Variants in PLCL1 observed in about 807,000 individuals in gnomAD.
PLCL1 encodes phospholipase C like 1 (inactive).
In PLCL1, 41 loss-of-function variants were observed where a neutral mutation model predicts 84.4. The observed-to-expected ratio is 0.49, with a 90% CI of 0.38 to 0.63. PLCL1 has a LOEUF of 0.63. Among genes scored for constraint, PLCL1 ranks in the 30% least tolerant of loss-of-function variants. PLCL1 has a pLI of 0.00. For synonymous variants in PLCL1, 490 were observed against 488.3 expected (o/e 1.00, Z -0.05); for missense variants, 1,206 against 1,367.8 (o/e 0.88, Z 1.87).
chr2:197,868,767 C>A (rs1478341220), intron 1 of PLCL1, among the ~76,000 whole-genome samples: 1 of 151,536 alleles, frequency 6.6e-6, no homozygotes, highest in East Asian at 1.9e-4. Flanking sequence ...CCACCCACCT[C>A]AGCCTCCCAA....
At chr2:197,954,106 T>C (rs1689442114) in intron 1 of PLCL1, among the ~76,000 whole-genome samples, 1 of 152,144 alleles carries the variant, frequency 6.6e-6, no homozygotes, top group African/African-American at 2.4e-5. Context: ...TACATGGATA[T>C]TTAGAACTGA....
intron 1 of PLCL1, among the ~76,000 whole-genome samples, chr2:197,922,759 G>A (rs1164476466): frequency 1.0e-4 from 8 of 79,018 alleles, no homozygotes; most frequent in African/African-American, 1.9e-4. Flanking sequence ...CGGACGGGGT[G>A]GCTGGCCGGG....
chr2:197,878,635 G>A (rs1687778293), intron 1 of PLCL1, among the ~76,000 whole-genome samples: 1 of 152,142 alleles, frequency 6.6e-6, no homozygotes, highest in South Asian at 2.1e-4. Context: ...AAAACTGTGT[G>A]TGTGTGCATG....
At chr2:198,075,812 A>T (rs140383330) in intron 1 of PLCL1, among the ~76,000 whole-genome samples, 3,199 of 152,338 alleles carry the variant, frequency 0.021, 61 homozygotes, top group Admixed American at 0.03. Flanking sequence ...AGCTACAAAC[A>T]TTCATACATT....
intron 1 of PLCL1, among the ~76,000 whole-genome samples, chr2:197,820,865 A>G (rs999718437): frequency 2.0e-5 from 3 of 152,156 alleles, no homozygotes; most frequent in African/African-American, 7.2e-5. Flanking sequence ...CAAGCTACAG[A>G]AACATTGCTC....
chr2:197,840,275 C>T (rs976834694), intron 1 of PLCL1, among the ~76,000 whole-genome samples: 1 of 151,920 alleles, frequency 6.6e-6, no homozygotes, highest in African/African-American at 2.4e-5. Flanking sequence ...ACCCAATTTA[C>T]TTTTCCCCTG....
intron 1 of PLCL1, among the ~76,000 whole-genome samples, chr2:197,971,398 G>C (rs1689860990): frequency 6.6e-6 from 1 of 152,168 alleles, no homozygotes; most frequent in Admixed American, 6.5e-5. Flanking sequence ...AAGGGTGGGG[G>C]AAACACAAAG....
intron 1 of PLCL1, among the ~76,000 whole-genome samples, chr2:197,981,389 A>G (rs1690101565): frequency 6.6e-6 from 1 of 152,208 alleles, no homozygotes; most frequent in Non-Finnish European, 1.5e-5. Context: ...ATAAAGATAT[A>G]CCTACTTTAT....
chr2:197,834,113 T>A (rs1413302560), intron 1 of PLCL1, among the ~76,000 whole-genome samples: 1 of 152,222 alleles, frequency 6.6e-6, no homozygotes, highest in Non-Finnish European at 1.5e-5. Flanking sequence ...GCTCGCCATA[T>A]GCAGAAAACT....
At chr2:198,058,676 A>G (rs1692121201) in intron 1 of PLCL1, among the ~76,000 whole-genome samples, 1 of 152,004 alleles carries the variant, frequency 6.6e-6, no homozygotes, top group Admixed American at 6.6e-5. Context: ...TGTACCAGAT[A>G]TCATAGCAAT....
At chr2:197,890,735 CGTATATATGTATACGTAT>C (rs1371229376) in intron 1 of PLCL1, among the ~76,000 whole-genome samples, 1 of 112,814 alleles carries the variant, frequency 8.9e-6, no homozygotes, top group Non-Finnish European at 1.8e-5. Context: ...TGCATATGTA[CGTATATATGTATACGTAT>C]GTATATATAC....
At chr2:197,998,878 G>A (rs572940104) in intron 1 of PLCL1, among the ~76,000 whole-genome samples, 2 of 152,202 alleles carry the variant, frequency 1.3e-5, no homozygotes, top group African/African-American at 4.8e-5. Context: ...GGGTGGGAAC[G>A]GAACCCACCC....
chr2:197,940,836 T>C (rs899508652), intron 1 of PLCL1, among the ~76,000 whole-genome samples: 3 of 152,352 alleles, frequency 2.0e-5, no homozygotes, highest in East Asian at 3.9e-4. Context: ...AATACTATGA[T>C]TTCTATTTCG....
At chr2:198,094,239 T>C (rs1489576141) in intron 3 of PLCL1, among the ~76,000 whole-genome samples, 3 of 152,100 alleles carry the variant, frequency 2.0e-5, no homozygotes, top group African/African-American at 7.2e-5. Flanking sequence ...TTTTTTGTAT[T>C]TTTAGTAGAG....
rs139806412 is a variant in PLCL1 at position 197,957,585 on chromosome 2, A to G, written c.241-126173A>G. ...GACCATTGGCATTCTAGTCTTGGATATAGTTGCCAGTTTGCTGATTCCCTC... is the reference window on the plus strand; with the variant it reads ...GACCATTGGCATTCTAGTCTTGGATGTAGTTGCCAGTTTGCTGATTCCCTC... On this transcript the variant is annotated intron_variant, in intron 1 of 5. Transcript: ENST00000428675. Among the ~76,000 whole-genome samples, 215 of 152,124 alleles carry G rather than the reference A, an allele frequency of 1.4e-3. 1 individual carries two copies. The highest frequency in any genetic ancestry group is 4.6e-3 in the African/African-American group (190 of 41,530).
In PLCL1 at chr2:197,804,973, G is replaced by T; in HGVS notation, c.-127G>T. 6 of 1,188,810 alleles carry T rather than the reference G, an allele frequency of 5.0e-6. No homozygotes were observed. Among genetic ancestry groups the T allele is most frequent in the Middle Eastern group, 2.8e-4 (1 of 3,522 alleles). The allele number at this position is 1,188,810 out of a possible 1,614,324, so 73.6% of individuals were successfully genotyped here. On this transcript the variant is annotated 5_prime_UTR_variant, in exon 1 of 6. Transcript: ENST00000428675. ...CGCCGCCGCCGCCGCCGCCACTGCC[G>T]CCGCTGGGCGGTGAAACAAAGTCTG...
At chr2:198,041,337 C>A (rs1196887053) in intron 1 of PLCL1, among the ~76,000 whole-genome samples, 1 of 152,166 alleles carries the variant, frequency 6.6e-6, no homozygotes, top group African/African-American at 2.4e-5. Flanking sequence ...TCTTGTCTCA[C>A]AGAGTATATT....
intron 1 of PLCL1, among the ~76,000 whole-genome samples, chr2:197,850,806 G>A (rs1687221769): frequency 6.6e-6 from 1 of 152,144 alleles, no homozygotes; most frequent in South Asian, 2.1e-4. Context: ...ACATATTGGA[G>A]CTTCCCTTAT....
At chr2:197,922,726 G>A (rs1424207222) in intron 1 of PLCL1, among the ~76,000 whole-genome samples, 2 of 113,272 alleles carry the variant, frequency 1.8e-5, no homozygotes, top group African/African-American at 3.1e-5. Flanking sequence ...AGGGGCGGCC[G>A]GGCAGAGGCG....
Sources: allele counts gnomAD v4.1 joint callset (sites outside exome capture counted in the v4.1 genomes callset), GRCh38; gene constraint gnomAD v4.1.1; transcripts MANE v1.5; gene names NCBI Gene and HGNC (gene_info 2026-07-23, HGNC 2026-07-21).